The following DENND1B variants were observed in gnomAD, a reference collection of about 807,000 sequenced individuals.
DENND1B encodes the protein DENN domain-containing protein 1B.
DENND1B carries 59 observed loss-of-function variants against 90.1 expected under a neutral mutation model. The observed-to-expected ratio is 0.65, with a 90% CI of 0.53 to 0.81. DENND1B has a LOEUF of 0.81. Among genes scored for constraint, DENND1B ranks in the 40% least tolerant of loss-of-function variants. DENND1B has a pLI of 0.00. For missense variants in DENND1B, 862 were observed against 912.6 expected, an observed-to-expected ratio of 0.94 and a Z score of 0.71; for synonymous variants, 337 against 324.6, an observed-to-expected ratio of 1.04 and a Z score of -0.41.
At chr1:197,608,133 CTTA>C (rs1162260597) in intron 12 of DENND1B, among the ~76,000 whole-genome samples, 1 of 150,508 alleles carries the variant, frequency 6.6e-6, no homozygotes, top group African/African-American at 2.4e-5. Context: ...CACTTAAAAT[CTTA>C]TTATTACCTT....
chr1:197,776,006 A>G (rs749604695), upstream of DENND1B, among the ~76,000 whole-genome samples: 7 of 152,192 alleles, frequency 4.6e-5, no homozygotes, highest in Non-Finnish European at 7.4e-5. Context: ...CAAGTAGCCA[A>G]ATGGTAGTGC....
chr1:197,626,536 G>A (rs1317731573), intron 10 of DENND1B, among the ~76,000 whole-genome samples: 1 of 152,092 alleles, frequency 6.6e-6, no homozygotes, highest in East Asian at 1.9e-4. Context: ...AGTGTGTAGA[G>A]GGAAATTTAT....
At chr1:197,567,481 T>C (rs1011995706) in intron 15 of DENND1B, among the ~76,000 whole-genome samples, 1 of 152,074 alleles carries the variant, frequency 6.6e-6, no homozygotes, top group African/African-American at 2.4e-5. Context: ...ATTTCCAAAG[T>C]TATTTTATGT....
At chr1:197,746,742 T>C (rs1663793427) in intron 2 of DENND1B, 3 of 1,157,880 alleles carry the variant, frequency 2.6e-6, no homozygotes, top group South Asian at 1.2e-5. Context: ...TGAAGCACTC[T>C]GGCAAGTTAT....
intron 2 of DENND1B, chr1:197,761,697 C>T (rs970218383): frequency 6.6e-6 from 1 of 151,876 alleles, no homozygotes; most frequent in African/African-American, 2.4e-5. Context: ...TTTCTGCTAC[C>T]AAACCAAGAT....
At chr1:197,638,900 C>A (rs1680028563) in intron 10 of DENND1B, among the ~76,000 whole-genome samples, 1 of 151,844 alleles carries the variant, frequency 6.6e-6, no homozygotes, top group Admixed American at 6.6e-5. Flanking sequence ...TATCTCAATT[C>A]ATTAAACTCA....
chr1:197,652,876 T>G (rs1446619156), intron 6 of DENND1B, among the ~76,000 whole-genome samples: 1 of 152,062 alleles, frequency 6.6e-6, no homozygotes, highest in African/African-American at 2.4e-5. Context: ...TTCATAGGAT[T>G]TGTATAATAA....
intron 2 of DENND1B, chr1:197,734,491 T>C (rs1662451100): frequency 1.0e-6 from 1 of 976,112 alleles, no homozygotes. Flanking sequence ...TACAACCACA[T>C]TTAATAAGCT....
chr1:197,750,418 TAAC>T (rs1016836342), intron 2 of DENND1B, among the ~76,000 whole-genome samples: 30 of 151,052 alleles, frequency 2.0e-4, no homozygotes, highest in African/African-American at 6.6e-4. Context: ...AGCAAAAAGG[TAAC>T]AACAATCCAA....
At chr1:197,559,298 T>A (rs866059644) in intron 15 of DENND1B, among the ~76,000 whole-genome samples, 98 of 152,102 alleles carry the variant, frequency 6.4e-4, no homozygotes, top group African/African-American at 2.1e-3. Flanking sequence ...TGATCTTTTT[T>A]AAATCCTTAT....
Position 197,506,831 on chromosome 1 carries a change from T to C in DENND1B, c.*3629A>G, listed in dbSNP as rs1667753269. The stretch of plus-strand genomic sequence containing the variant: ...CATTAACATGCATCCACACCTTCAG[T>C]TACTCCTAAACTGAGTACAGTGGCT... On this transcript the variant is annotated 3_prime_UTR_variant, in exon 23 of 23. Coordinates refer to ENST00000620048, the MANE Select transcript of DENND1B (RefSeq NM_001195215.2). The C allele has an allele frequency of 6.6e-6, 1 of 151,454 alleles. No individual in the cohort carries two copies. The highest frequency in any genetic ancestry group is 2.4e-5 in the African/African-American group (1 of 41,356). 9.4% of individuals were successfully genotyped at this position (151,454 alleles called of 1,614,324 possible).
chr1:197,528,729 G>A (rs887029421), intron 20 of DENND1B, among the ~76,000 whole-genome samples: 1 of 150,922 alleles, frequency 6.6e-6, no homozygotes, highest in Non-Finnish European at 1.5e-5. Flanking sequence ...GCGTAGTGGC[G>A]GGCGCCTGTA....
At chr1:197,591,404 T>C (rs1675192085) in intron 14 of DENND1B, among the ~76,000 whole-genome samples, 1 of 152,178 alleles carries the variant, frequency 6.6e-6, no homozygotes, top group Non-Finnish European at 1.5e-5. Flanking sequence ...AAGAAGTATA[T>C]TCTTATACAA....
intron 10 of DENND1B, among the ~76,000 whole-genome samples, chr1:197,619,839 T>C (rs561489660): frequency 6.6e-6 from 1 of 151,294 alleles, no homozygotes; most frequent in South Asian, 2.1e-4. Flanking sequence ...GTCACAAAAT[T>C]TCTGCAATGG....
At chr1:197,632,186 C>G (rs1679387749) in intron 10 of DENND1B, among the ~76,000 whole-genome samples, 1 of 152,112 alleles carries the variant, frequency 6.6e-6, no homozygotes, top group African/African-American at 2.4e-5. Flanking sequence ...CCAGTGTTAT[C>G]TTCTCCAAAA....
At chr1:197,772,065 CT>C (rs1656686363) in intron 2 of DENND1B, among the ~76,000 whole-genome samples, 1 of 152,122 alleles carries the variant, frequency 6.6e-6, no homozygotes. Flanking sequence ...GTTTACCTCC[CT>C]GCAAAAGTGC....
At chr1:197,640,219 TC>T (rs1326480122) in intron 10 of DENND1B, among the ~76,000 whole-genome samples, 1 of 152,188 alleles carries the variant, frequency 6.6e-6, no homozygotes, top group Non-Finnish European at 1.5e-5. Context: ...ACGCCTGTAA[TC>T]CCAGCACTTT....
chr1:197,622,608 G>A (rs1198641609), intron 10 of DENND1B, among the ~76,000 whole-genome samples: 1 of 151,326 alleles, frequency 6.6e-6, no homozygotes, highest in Non-Finnish European at 1.5e-5. Context: ...ACAGAGATCT[G>A]ATTTACAAAA....
At chr1:197,675,402 T>C (rs1655953460) in intron 3 of DENND1B, among the ~76,000 whole-genome samples, 1 of 152,002 alleles carries the variant, frequency 6.6e-6, no homozygotes, top group African/African-American at 2.4e-5. Flanking sequence ...AAAGCTTCAG[T>C]GCCTTAATGC....
Sources: gnomAD v4.1 joint callset for allele counts (sites outside exome capture counted in the v4.1 genomes callset) on GRCh38, gnomAD v4.1.1 for gene constraint, MANE v1.5 for transcripts, NCBI Gene and HGNC (gene_info 2026-07-23, HGNC 2026-07-21) for gene names.